The following RHBDL3 variants were observed in gnomAD, a reference collection of about 807,000 sequenced individuals.
The protein encoded by RHBDL3 is rhomboid like 3, also known as rhomboid-related protein 3.
In RHBDL3, 28 loss-of-function variants were observed where a neutral mutation model predicts 48.2. The observed-to-expected ratio is 0.58, with a 90% CI of 0.43 to 0.80. The LOEUF (loss-of-function observed/expected upper bound fraction) is 0.80, where lower values mean the gene tolerates loss of function less well. Among genes scored for constraint, RHBDL3 ranks in the 30% least tolerant of loss-of-function variants. RHBDL3 has a pLI of 0.00. For synonymous variants in RHBDL3, 208 were observed against 232.3 expected, an observed-to-expected ratio of 0.90 and a Z score of 0.95; for missense variants, 464 against 542.7, an observed-to-expected ratio of 0.85 and a Z score of 1.44.
rs2040648534 is a variant in RHBDL3 at position 32,303,945 on chromosome 17, A to G, written c.782-1396A>G. On this transcript the variant is annotated intron_variant, in intron 6 of 8. Transcript: ENST00000269051. ...CTAATTGGCTCTTGAGCCCCTGGGCATTTTCCAGTGGTAATTTCTGCACAC... is the reference window on the plus strand; with the variant it reads ...CTAATTGGCTCTTGAGCCCCTGGGCGTTTTCCAGTGGTAATTTCTGCACAC... Among the ~76,000 whole-genome samples, 3 of 152,032 alleles carry G rather than the reference A, an allele frequency of 2.0e-5. No individual in the cohort carries two copies. In the South Asian group the frequency reaches 6.2e-4, roughly 32 times the overall value.
intron 2 of RHBDL3, among the ~76,000 whole-genome samples, chr17:32,276,047 C>T (rs2039889240): frequency 6.6e-6 from 1 of 152,150 alleles, no homozygotes; most frequent in Non-Finnish European, 1.5e-5. Flanking sequence ...AGGCAGGGGG[C>T]ATGTCTCTGA....
At chr17:32,301,492 G>A (rs2040581406) in intron 6 of RHBDL3, among the ~76,000 whole-genome samples, 1 of 151,576 alleles carries the variant, frequency 6.6e-6, no homozygotes, top group Admixed American at 6.6e-5. Context: ...CCTAGCACAG[G>A]GCTTGGCACA....
At position 32,266,290 on chromosome 17, in the gene RHBDL3, C is replaced by T; in HGVS notation, c.101C>T (p.Ala34Val). 1 of 1,460,834 alleles carries T rather than the reference C, an allele frequency of 6.8e-7. No individual in the cohort carries two copies. The highest frequency in any genetic ancestry group is 9.0e-7 in the Non-Finnish European group (1 of 1,111,306). The allele number at this position is 1,460,834 out of a possible 1,614,324, so 90.5% of individuals were successfully genotyped here. Residue 34 changes from alanine to valine, a missense_variant, in exon 1 of 9, where the codon GCG (alanine) becomes GTG (valine). Physicochemically the swap from Ala to Val is moderately conservative, Grantham distance 64. Coordinates refer to ENST00000269051, the MANE Select transcript of RHBDL3 (RefSeq NM_138328.3). ...GAGGCCGAGGAGCGGCTGCCCGCGG[C>T]GCCGGAGGACGTGAGTGCCCCCTCC... is the stretch of plus-strand genomic sequence containing the variant. ...EPEAEERLPAAPEDHWKVLFD... is the reference protein window; with the variant it reads ...EPEAEERLPAVPEDHWKVLFD...
chr17:32,317,966 T>C (rs1380072161), intron 8 of RHBDL3, among the ~76,000 whole-genome samples: 1 of 150,590 alleles, frequency 6.6e-6, no homozygotes, highest in Non-Finnish European at 1.5e-5. Flanking sequence ...CCCAGCACTT[T>C]GGGAGGCCAA....
chr17:32,266,593 GA>G (rs1334061804), intron 1 of RHBDL3, among the ~76,000 whole-genome samples: 1 of 152,156 alleles, frequency 6.6e-6, no homozygotes, highest in Non-Finnish European at 1.5e-5. Flanking sequence ...CAGTGCCCGG[GA>G]CACGGCGTTT....
intron 4 of RHBDL3, among the ~76,000 whole-genome samples, 171 bp downstream of exon 4, chr17:32,289,187 C>T (rs17247560): frequency 0.14 from 21,712 of 152,120 alleles, 1,705 homozygotes; most frequent in East Asian, 0.3. Flanking sequence ...GACTCTGTTG[C>T]GGTGCATACC....
At chr17:32,307,493 T>C (rs780853670) in intron 7 of RHBDL3, among the ~76,000 whole-genome samples, 2 of 151,990 alleles carry the variant, frequency 1.3e-5, no homozygotes, top group Non-Finnish European at 2.9e-5. Context: ...AAAATGCCCA[T>C]TGTACATTGA....
At chr17:32,302,355 A>G (rs141809210) in intron 6 of RHBDL3, among the ~76,000 whole-genome samples, 1 of 149,064 alleles carries the variant, frequency 6.7e-6, no homozygotes, top group African/African-American at 2.5e-5. Flanking sequence ...GCTTTTTTTT[A>G]GTTTTTTGGA....
chr17:32,291,921 G>C (rs894444871), intron 4 of RHBDL3, among the ~76,000 whole-genome samples: 6 of 151,758 alleles, frequency 4.0e-5, no homozygotes, highest in African/African-American at 1.5e-4. Flanking sequence ...ACAGGTGCCT[G>C]CCACCACGCC....
At chr17:32,284,960 AC>A in intron 3 of RHBDL3, 143 bp downstream of exon 3, 1 of 716,346 alleles carries the variant, frequency 1.4e-6, no homozygotes, top group South Asian at 1.8e-5. Context: ...AAAGGGTGCC[AC>A]CAAGGACTCA....
rs771024462 is a variant in RHBDL3 at position 32,321,804 on chromosome 17, G to A, written c.*575G>A. 6 of 198,424 alleles carry A rather than the reference G, an allele frequency of 3.0e-5. No homozygotes were observed. Among genetic ancestry groups the A allele is most frequent in the East Asian group, 1.2e-4 (1 of 8,662 alleles). The allele number at this position is 198,424 out of a possible 1,614,324, so 12.3% of individuals were successfully genotyped here. On this transcript the variant is annotated 3_prime_UTR_variant, in exon 9 of 9. Transcript: ENST00000269051. ...CCTCCTGGGCTGGTTGGTGTGCACC[G>A]GGGCATGATCTGTTGTGCCTGGGTT...
intron 7 of RHBDL3, among the ~76,000 whole-genome samples, chr17:32,314,374 C>T (rs2040918631): frequency 6.6e-6 from 1 of 151,914 alleles, no homozygotes; most frequent in African/African-American, 2.4e-5. Context: ...ACATGGGTAT[C>T]GCTTTTTTTT....
chr17:32,307,339 G>A (rs1191985743), intron 7 of RHBDL3, among the ~76,000 whole-genome samples: 2 of 152,166 alleles, frequency 1.3e-5, no homozygotes, highest in Admixed American at 1.3e-4. Context: ...CTCCATCAGT[G>A]TCTTCGCCCA....
intron 4 of RHBDL3, among the ~76,000 whole-genome samples, chr17:32,293,078 G>A (rs1224948501): frequency 6.8e-6 from 1 of 146,202 alleles, no homozygotes; most frequent in African/African-American, 2.5e-5. Context: ...GACACAAAAA[G>A]ACAAATACTG....
chr17:32,269,918 T>C (rs2039731078), intron 2 of RHBDL3, among the ~76,000 whole-genome samples: 1 of 152,078 alleles, frequency 6.6e-6, no homozygotes, highest in South Asian at 2.1e-4. Flanking sequence ...TAGCACCTAA[T>C]AGTAGCTAGT....
chr17:32,300,880 CTT>C (rs576118492), intron 6 of RHBDL3, among the ~76,000 whole-genome samples: 4 of 145,330 alleles, frequency 2.8e-5, no homozygotes, highest in Non-Finnish European at 3.0e-5. Context: ...TGCTTCTTTC[CTT>C]TTTTTTTTTT....
intron 4 of RHBDL3, among the ~76,000 whole-genome samples, chr17:32,292,594 C>T (rs929399959): frequency 6.6e-5 from 10 of 151,896 alleles, no homozygotes; most frequent in Non-Finnish European, 1.3e-4. Context: ...CACCTGAGGT[C>T]GGGAGTTCGA....
chr17:32,293,033 A>T (rs2040368384), intron 4 of RHBDL3, among the ~76,000 whole-genome samples: 1 of 152,142 alleles, frequency 6.6e-6, no homozygotes, highest in Non-Finnish European at 1.5e-5. Context: ...AACATGGATG[A>T]ACCTTGAAAA....
chr17:32,302,728 C>T lies in RHBDL3; in HGVS notation c.782-2613C>T, dbSNP rs1294753032. ...AATGTGGGGGCAGGTGGATTCAGGCCGTTACCTTTGAGGTTCCAGAATCGG... is the reference window on the plus strand; with the variant it reads ...AATGTGGGGGCAGGTGGATTCAGGCTGTTACCTTTGAGGTTCCAGAATCGG... On this transcript the variant is annotated intron_variant, in intron 6 of 8. Coordinates refer to ENST00000269051, the MANE Select transcript of RHBDL3 (RefSeq NM_138328.3). 4.6e-5 allele frequency among the ~76,000 whole-genome samples: 7 copies of T among 152,006 alleles called. No individual in the cohort carries two copies. In the South Asian group the frequency reaches 1.5e-3, roughly 32 times the overall value.
Sources: gnomAD v4.1 joint callset for allele counts (sites outside exome capture counted in the v4.1 genomes callset) on GRCh38, gnomAD v4.1.1 for gene constraint, MANE v1.5 for transcripts, NCBI Gene and HGNC (gene_info 2026-07-23, HGNC 2026-07-21) for gene names.